FYN: variants seen among roughly 807,000 people sequenced by gnomAD.
FYN encodes FYN proto-oncogene, Src family tyrosine kinase.
In FYN, 10 loss-of-function variants were observed where a neutral mutation model predicts 70.2. The ratio of observed to expected loss-of-function variants is 0.14; its 90% confidence interval spans 0.09 to 0.24. The LOEUF (loss-of-function observed/expected upper bound fraction) is 0.24, where lower values mean the gene tolerates loss of function less well. Ranked by LOEUF, FYN falls within the 10% of genes least tolerant of loss-of-function variation. The pLI is 1.00. For missense variants in FYN, 319 were observed against 673.1 expected, an observed-to-expected ratio of 0.47 and a Z score of 5.82; for synonymous variants, 236 against 248.6, an observed-to-expected ratio of 0.95 and a Z score of 0.48.
chr6:111,804,248 C>T (rs901633093), intron 2 of FYN, among the ~76,000 whole-genome samples: 1 of 152,162 alleles, frequency 6.6e-6, no homozygotes, highest in African/African-American at 2.4e-5. Context: ...TTGAAGAACA[C>T]CCACATCCCC....
At chr6:111,721,085 T>C (rs1383696879) in intron 3 of FYN, among the ~76,000 whole-genome samples, 3 of 152,174 alleles carry the variant, frequency 2.0e-5, no homozygotes, top group Admixed American at 2.0e-4. Flanking sequence ...GAACACTTTT[T>C]CCCCTTCCTC....
At chr6:111,827,837 G>A (rs570168962) in intron 2 of FYN, among the ~76,000 whole-genome samples, 1 of 152,182 alleles carries the variant, frequency 6.6e-6, no homozygotes, top group Non-Finnish European at 1.5e-5. Flanking sequence ...TTTCTTCTTG[G>A]GGGAGATGGG....
chr6:111,665,623 TTTA>T (rs1797961510), intron 13 of FYN, among the ~76,000 whole-genome samples: 2 of 100,924 alleles, frequency 2.0e-5, no homozygotes, highest in African/African-American at 1.1e-4. Context: ...TTATTTTTTA[TTTA>T]TTTATTTTTT....
rs77629360 is a variant in FYN at position 111,837,463 on chromosome 6, A to G, written c.-82+9126T>C. On this transcript the variant is annotated intron_variant, in intron 2 of 13. Coordinates refer to ENST00000354650, the MANE Select transcript of FYN (RefSeq NM_002037.5). Reference sequence around the variant, plus strand: ...ATTATCTATGTTGACACACAGCAACAGAAAAAACAATACGGACAGGTGCCT... The same window carrying G: ...ATTATCTATGTTGACACACAGCAACGGAAAAAACAATACGGACAGGTGCCT... Among the ~76,000 whole-genome samples the G allele has an allele frequency of 3.0e-3, 462 of 152,326 alleles. 2 individuals carry two copies. Among genetic ancestry groups the G allele is most frequent in the Non-Finnish European group, 5.3e-3 (363 of 68,034 alleles).
intron 3 of FYN, among the ~76,000 whole-genome samples, chr6:111,766,098 T>C (rs928372807): frequency 6.6e-6 from 1 of 152,158 alleles, no homozygotes; most frequent in Non-Finnish European, 1.5e-5. Flanking sequence ...TGAAGAGACA[T>C]GACACAGAGT....
intron 12 of FYN, among the ~76,000 whole-genome samples, chr6:111,682,993 A>G (rs1009326692): frequency 1.3e-5 from 2 of 152,198 alleles, no homozygotes; most frequent in Non-Finnish European, 2.9e-5. Flanking sequence ...AAACATCAGA[A>G]GAGGAAAAGA....
At chr6:111,681,014 A>C (rs1798756720) in intron 12 of FYN, among the ~76,000 whole-genome samples, 1 of 149,152 alleles carries the variant, frequency 6.7e-6, no homozygotes, top group Admixed American at 6.9e-5. Flanking sequence ...ATGCCTGGCT[A>C]ATGTTTAATT....
intron 3 of FYN, among the ~76,000 whole-genome samples, chr6:111,729,061 T>G (rs1311113327): frequency 5.3e-5 from 8 of 152,170 alleles, no homozygotes; most frequent in Non-Finnish European, 1.2e-4. Flanking sequence ...ATAAGTATAC[T>G]CAATAGTGAT....
intron 9 of FYN, 188 bp downstream of exon 9, chr6:111,699,913 CTTT>C (rs71021861): frequency 0.011 from 2,011 of 185,504 alleles, no homozygotes; most frequent in East Asian, 0.021. Flanking sequence ...CACTTACTAT[CTTT>C]TTTTTTTTTT....
intron 13 of FYN, among the ~76,000 whole-genome samples, chr6:111,666,415 C>T (rs1798009045): frequency 6.6e-6 from 1 of 152,070 alleles, no homozygotes; most frequent in Non-Finnish European, 1.5e-5. Context: ...AGGCCACTGC[C>T]CAATTTTGTT....
intron 13 of FYN, among the ~76,000 whole-genome samples, chr6:111,668,593 G>A (rs1282607673): frequency 6.6e-6 from 1 of 151,880 alleles, no homozygotes; most frequent in African/African-American, 2.4e-5. Flanking sequence ...AGCACGTGAG[G>A]CTGGAACACA....
intron 12 of FYN, among the ~76,000 whole-genome samples, chr6:111,693,531 A>G (rs940081221): frequency 6.6e-6 from 1 of 152,202 alleles, no homozygotes; most frequent in African/African-American, 2.4e-5. Flanking sequence ...CCTTTCTAGT[A>G]TCTGGTGCTC....
At chr6:111,664,604 C>T (rs564188101) in intron 13 of FYN, among the ~76,000 whole-genome samples, 1 of 151,630 alleles carries the variant, frequency 6.6e-6, no homozygotes, top group East Asian at 2.0e-4. Context: ...TGTAGCGTCT[C>T]CCGAGGCAGT....
intron 2 of FYN, among the ~76,000 whole-genome samples, chr6:111,839,791 A>T (rs1773299288): frequency 6.6e-6 from 1 of 152,130 alleles, no homozygotes; most frequent in Non-Finnish European, 1.5e-5. Context: ...GATGACCTAG[A>T]GGCTTGTATC....
rs76920009 is a variant in FYN at position 111,775,370 on chromosome 6, T to C, written c.-12+5196A>G. ...ACTTCAAGGAATCTGGTTTAGAATG[T>C]TGCCAGAACTAACCTGGAACGAAAA... On this transcript the variant is annotated intron_variant, in intron 3 of 13. Coordinates refer to ENST00000354650, the MANE Select transcript of FYN (RefSeq NM_002037.5). Among the ~76,000 whole-genome samples the C allele has an allele frequency of 1.8e-3, 267 of 152,304 alleles. 2 individuals are homozygous for C. The highest frequency in any genetic ancestry group is 6.3e-3 in the African/African-American group (260 of 41,554).
intron 2 of FYN, among the ~76,000 whole-genome samples, chr6:111,786,137 G>A (rs1349716007): frequency 1.3e-5 from 2 of 151,680 alleles, no homozygotes; most frequent in Admixed American, 6.6e-5. Flanking sequence ...GTATACATGC[G>A]CCATGTTGGT....
intron 1 of FYN, among the ~76,000 whole-genome samples, chr6:111,865,931 C>T (rs1257877275): frequency 1.3e-5 from 2 of 152,200 alleles, no homozygotes; most frequent in Non-Finnish European, 2.9e-5. Flanking sequence ...ATGCTGTTTT[C>T]AATCATACCA....
chr6:111,844,431 A>G (rs1250083621), intron 2 of FYN, among the ~76,000 whole-genome samples: 1 of 152,226 alleles, frequency 6.6e-6, no homozygotes, highest in Non-Finnish European at 1.5e-5. Context: ...GTAAACACAG[A>G]CAAAAAGAAA....
At chr6:111,783,225 GGCATTGTGACCATTT>G (rs1017125480) in intron 2 of FYN, among the ~76,000 whole-genome samples, 42 of 152,044 alleles carry the variant, frequency 2.8e-4, no homozygotes, top group African/African-American at 9.4e-4. Flanking sequence ...CACTTATAAG[GGCATTGTGACCATTT>G]GCTTTGGCAG....
Sources: allele counts gnomAD v4.1 joint callset (sites outside exome capture counted in the v4.1 genomes callset), GRCh38; gene constraint gnomAD v4.1.1; transcripts MANE v1.5; gene names NCBI Gene and HGNC (gene_info 2026-07-23, HGNC 2026-07-21).